KCND2: variants seen among roughly 807,000 people sequenced by gnomAD.
The protein encoded by KCND2 is A-type voltage-gated potassium channel KCND2.
Under a neutral mutation model 54.4 loss-of-function variants are expected in KCND2, and 16 were observed. The ratio of observed to expected loss-of-function variants is 0.29; its 90% CI spans 0.20 to 0.45. KCND2 has a LOEUF of 0.45. Ranked by LOEUF, KCND2 falls within the 20% of genes least tolerant of loss-of-function variation. The pLI is 1.00. For missense variants in KCND2, 486 were observed against 824.2 expected, an observed-to-expected ratio of 0.59 and a Z score of 5.02; for synonymous variants, 317 against 310.7, an observed-to-expected ratio of 1.02 and a Z score of -0.21.
At chr7:120,540,456 A>G (rs1584819826) in intron 1 of KCND2, among the ~76,000 whole-genome samples, 1 of 152,206 alleles carries the variant, frequency 6.6e-6, no homozygotes, top group East Asian at 1.9e-4. Flanking sequence ...AGACCCATAG[A>G]GAGCAGCTTT....
At chr7:120,704,100 A>G (rs1169323521) in intron 1 of KCND2, among the ~76,000 whole-genome samples, 1 of 152,190 alleles carries the variant, frequency 6.6e-6, no homozygotes, top group Non-Finnish European at 1.5e-5. Flanking sequence ...TATTGGCCAA[A>G]CACTATCCAG....
intron 1 of KCND2, among the ~76,000 whole-genome samples, chr7:120,666,624 C>T (rs1048245115): frequency 1.9e-4 from 29 of 151,890 alleles, no homozygotes; most frequent in African/African-American, 6.8e-4. Flanking sequence ...TTGTGAGACA[C>T]GCGTAAGCTC....
chr7:120,581,736 G>A (rs1738700514), intron 1 of KCND2, among the ~76,000 whole-genome samples: 1 of 149,778 alleles, frequency 6.7e-6, no homozygotes, highest in Non-Finnish European at 1.5e-5. Flanking sequence ...TTTTTTTGAT[G>A]GAGTCTTCCT....
intron 1 of KCND2, among the ~76,000 whole-genome samples, chr7:120,727,871 C>T (rs752626428): frequency 1.5e-4 from 23 of 151,956 alleles, no homozygotes; most frequent in Non-Finnish European, 2.6e-4. Context: ...CACGGTGGCT[C>T]ACGCTTGTAA....
intron 1 of KCND2, among the ~76,000 whole-genome samples, chr7:120,581,046 G>T (rs1388579139): frequency 6.6e-6 from 1 of 152,098 alleles, no homozygotes; most frequent in Non-Finnish European, 1.5e-5. Context: ...ATATGTGGTT[G>T]GTCGATTCAA....
chr7:120,426,777 A>G (rs1317485891), intron 1 of KCND2, among the ~76,000 whole-genome samples: 2 of 151,554 alleles, frequency 1.3e-5, no homozygotes, highest in African/African-American at 4.8e-5. Context: ...GCCTGCCACC[A>G]TGCCCGGCTA....
chr7:120,626,524 A>G (rs1793165312), intron 1 of KCND2, among the ~76,000 whole-genome samples: 1 of 152,186 alleles, frequency 6.6e-6, no homozygotes, highest in Non-Finnish European at 1.5e-5. Context: ...TGGCTGTAGT[A>G]TAAGTGTCAT....
intron 1 of KCND2, among the ~76,000 whole-genome samples, chr7:120,308,383 A>G (rs1003576927): frequency 6.6e-6 from 1 of 152,134 alleles, no homozygotes; most frequent in African/African-American, 2.4e-5. Context: ...CCGAGATGAT[A>G]CATTACCATT....
intron 1 of KCND2, among the ~76,000 whole-genome samples, chr7:120,695,005 T>A (rs1584886861): frequency 6.6e-6 from 1 of 152,160 alleles, no homozygotes; most frequent in African/African-American, 2.4e-5. Flanking sequence ...ACCACACACA[T>A]TTTAGCAAAT....
rs117606191 is a variant in KCND2 at position 120,433,854 on chromosome 7, G to A, written c.1115+158107G>A. 5.3e-3 allele frequency among the ~76,000 whole-genome samples: 801 copies of A among 152,298 alleles called. 5 individuals are homozygous for A. The highest frequency in any genetic ancestry group is 8.7e-3 in the Non-Finnish European group (593 of 68,018). ...TGAAATAAAAGAAGTTTTAGGGTGA[G>A]TGATGATGGGATTATTTTTCTCATT... On this transcript the variant is annotated intron_variant, in intron 1 of 5. Coordinates refer to ENST00000331113, the MANE Select transcript of KCND2 (RefSeq NM_012281.3).
intron 1 of KCND2, among the ~76,000 whole-genome samples, chr7:120,605,818 A>C (rs1470272688): frequency 6.6e-6 from 1 of 152,162 alleles, no homozygotes; most frequent in Admixed American, 6.6e-5. Context: ...CTTATGACTA[A>C]TGATATTGGC....
intron 1 of KCND2, among the ~76,000 whole-genome samples, chr7:120,548,025 G>T (rs1041702532): frequency 6.6e-6 from 1 of 152,054 alleles, no homozygotes; most frequent in Non-Finnish European, 1.5e-5. Flanking sequence ...ACATTTCTAT[G>T]ATGAAGCAGT....
intron 1 of KCND2, among the ~76,000 whole-genome samples, chr7:120,404,184 C>G (rs2402528): frequency 0.12 from 18,561 of 152,064 alleles, 2,390 homozygotes; most frequent in African/African-American, 0.33. Flanking sequence ...TCTGTACTTA[C>G]CTGTCAGCCA....
chr7:120,570,996 C>A (rs1792358895), intron 1 of KCND2, among the ~76,000 whole-genome samples: 1 of 152,176 alleles, frequency 6.6e-6, no homozygotes, highest in East Asian at 1.9e-4. Context: ...TATGAGGAGA[C>A]CCTGCACGCT....
At chr7:120,637,025 G>A (rs1445523833) in intron 1 of KCND2, among the ~76,000 whole-genome samples, 1 of 152,048 alleles carries the variant, frequency 6.6e-6, no homozygotes, top group South Asian at 2.1e-4. Flanking sequence ...CAGGCTCAAG[G>A]TCCACGTGTA....
At chr7:120,481,904 A>G (rs1802612616) in intron 1 of KCND2, among the ~76,000 whole-genome samples, 1 of 152,202 alleles carries the variant, frequency 6.6e-6, no homozygotes. Flanking sequence ...ACCTGCTACA[A>G]TGGCAGAGCC....
chr7:120,544,078 G>T (rs1035000328), intron 1 of KCND2, among the ~76,000 whole-genome samples: 1 of 151,792 alleles, frequency 6.6e-6, no homozygotes, highest in Non-Finnish European at 1.5e-5. Context: ...GTTCTGACAA[G>T]AAAAAACATT....
At chr7:120,643,833 ATGTT>A (rs1793406303) in intron 1 of KCND2, among the ~76,000 whole-genome samples, 1 of 151,446 alleles carries the variant, frequency 6.6e-6, no homozygotes, top group Admixed American at 6.6e-5. Flanking sequence ...CAAAAATAGG[ATGTT>A]TACATGACAT....
chr7:120,470,475 G>A (rs1364609647), intron 1 of KCND2, among the ~76,000 whole-genome samples: 1 of 151,944 alleles, frequency 6.6e-6, no homozygotes, highest in Non-Finnish European at 1.5e-5. Flanking sequence ...AATGTTTTAT[G>A]TCCTAGATCT....
Sources: allele counts gnomAD v4.1 joint callset (sites outside exome capture counted in the v4.1 genomes callset), GRCh38; gene constraint gnomAD v4.1.1; transcripts MANE v1.5; gene names NCBI Gene and HGNC (gene_info 2026-07-23, HGNC 2026-07-21).